The following NRXN3 variants were observed in gnomAD, a reference collection of about 807,000 sequenced individuals.
The protein encoded by NRXN3 is neurexin 3, also known as neurexin III.
Under a neutral mutation model 137.6 loss-of-function variants are expected in NRXN3, and 32 were observed. That is an observed-to-expected ratio of 0.23 (90% CI 0.18 to 0.31). NRXN3 has a LOEUF of 0.31. NRXN3 is among the 10% of genes least tolerant of loss of function. NRXN3 has a pLI of 1.00. For synonymous variants in NRXN3, 798 were observed against 784.5 expected (o/e 1.02, Z -0.29); for missense variants, 1,574 against 2,062.5 (o/e 0.76, Z 4.59).
chr14:79,132,558 T>A (rs1427641924), intron 15 of NRXN3, among the ~76,000 whole-genome samples: 1 of 152,268 alleles, frequency 6.6e-6, no homozygotes, highest in Admixed American at 6.5e-5. Context: ...CTAGAAAATT[T>A]AAAATTATAT....
intron 6 of NRXN3, among the ~76,000 whole-genome samples, chr14:78,694,390 G>A (rs547906791): frequency 1.1e-4 from 16 of 151,902 alleles, no homozygotes; most frequent in South Asian, 2.1e-4. Flanking sequence ...TAGGCTCCAC[G>A]TTTCCTAGCA....
At chr14:78,370,574 C>T (rs1464540295) in intron 4 of NRXN3, among the ~76,000 whole-genome samples, 1 of 152,140 alleles carries the variant, frequency 6.6e-6, no homozygotes, top group Non-Finnish European at 1.5e-5. Context: ...ATCATAATGC[C>T]TACTAAAAAG....
intron 15 of NRXN3, among the ~76,000 whole-genome samples, chr14:79,465,289 G>A (rs2096406417): frequency 6.6e-6 from 1 of 152,140 alleles, no homozygotes; most frequent in African/African-American, 2.4e-5. Flanking sequence ...TGGATGGTAG[G>A]AAGTAAACAT....
At chr14:78,918,161 C>G (rs141506241) in intron 10 of NRXN3, among the ~76,000 whole-genome samples, 2,228 of 150,708 alleles carry the variant, frequency 0.015, 24 homozygotes, top group Non-Finnish European at 0.023. Context: ...GGCGCATGCC[C>G]GTAATCCCAG....
intron 6 of NRXN3, among the ~76,000 whole-genome samples, chr14:78,699,695 A>G (rs546122930): frequency 6.6e-6 from 1 of 152,248 alleles, no homozygotes; most frequent in South Asian, 2.1e-4. Context: ...ATCAGGTACC[A>G]CCTATTCACC....
At chr14:78,441,575 ATAT>A (rs199891538) in intron 4 of NRXN3, among the ~76,000 whole-genome samples, 3 of 144,086 alleles carry the variant, frequency 2.1e-5, no homozygotes, top group African/African-American at 8.4e-5. Flanking sequence ...CACACCATTC[ATAT>A]TATTTTTTTT....
At chr14:78,198,831 A>T (rs969242646) in intron 1 of NRXN3, among the ~76,000 whole-genome samples, 1 of 152,224 alleles carries the variant, frequency 6.6e-6, no homozygotes, top group East Asian at 1.9e-4. Flanking sequence ...TCCAGAGAGC[A>T]TTCAGTCAAA....
rs571959044 is a variant in NRXN3 at position 79,155,162 on chromosome 14, G to A, written c.3262+167021G>A. Among the ~76,000 whole-genome samples, 13 of 152,058 alleles carry A rather than the reference G, an allele frequency of 8.5e-5. No individual in the cohort carries two copies. The South Asian group carries it at 2.7e-3, about 32-fold the overall frequency. ...TGACCCTTCCTTCATCAATGGTGGAGCATCCTCCTGAAGCTGGAGAAGAGA... is the reference window on the plus strand; with the variant it reads ...TGACCCTTCCTTCATCAATGGTGGAACATCCTCCTGAAGCTGGAGAAGAGA... On this transcript the variant is annotated intron_variant, in intron 15 of 20. Coordinates refer to ENST00000335750, the MANE Select transcript of NRXN3 (RefSeq NM_001330195.2).
chr14:78,443,509 T>A (rs897243811), intron 4 of NRXN3, among the ~76,000 whole-genome samples: 1 of 152,196 alleles, frequency 6.6e-6, no homozygotes, highest in Non-Finnish European at 1.5e-5. Flanking sequence ...TAGTATAGTT[T>A]ATATTTGTAC....
intron 19 of NRXN3, among the ~76,000 whole-genome samples, chr14:79,796,386 T>G (rs1191775975): frequency 2.0e-5 from 3 of 152,284 alleles, no homozygotes; most frequent in Admixed American, 2.0e-4. Context: ...TGTGGTTCAA[T>G]ACTCCTCTTC....
At chr14:79,543,127 T>A (rs1027288406) in intron 16 of NRXN3, among the ~76,000 whole-genome samples, 6 of 152,182 alleles carry the variant, frequency 3.9e-5, no homozygotes, top group Non-Finnish European at 5.9e-5. Context: ...GCGATGTCAG[T>A]CATACAGGCA....
chr14:79,630,213 G>T (rs1448309256), intron 16 of NRXN3, among the ~76,000 whole-genome samples: 1 of 152,112 alleles, frequency 6.6e-6, no homozygotes, highest in Non-Finnish European at 1.5e-5. Context: ...GAATACTGCT[G>T]GTTTCTGCTA....
chr14:79,041,139 G>A (rs2099624370), intron 15 of NRXN3, among the ~76,000 whole-genome samples: 1 of 152,024 alleles, frequency 6.6e-6, no homozygotes, highest in Admixed American at 6.6e-5. Context: ...GTTGACTTTG[G>A]GCTATGTGCT....
At chr14:79,843,291 A>G (rs28787344) in intron 20 of NRXN3, among the ~76,000 whole-genome samples, 7,439 of 152,238 alleles carry the variant, frequency 0.049, 591 homozygotes, top group African/African-American at 0.17. Flanking sequence ...TATATGTGAA[A>G]CAGCACTATA....
chr14:79,551,644 G>C (rs1445429011), intron 16 of NRXN3, among the ~76,000 whole-genome samples: 1 of 152,150 alleles, frequency 6.6e-6, no homozygotes, highest in Non-Finnish European at 1.5e-5. Context: ...TATTCTGACA[G>C]GCGTGGACTC....
At chr14:79,706,208 T>G (rs1286313903) in intron 19 of NRXN3, among the ~76,000 whole-genome samples, 4 of 152,156 alleles carry the variant, frequency 2.6e-5, no homozygotes, top group Non-Finnish European at 5.9e-5. Context: ...TAGCTTCCAG[T>G]CTTGTTGCTC....
intron 10 of NRXN3, among the ~76,000 whole-genome samples, chr14:78,915,742 A>G (rs1366939212): frequency 1.3e-5 from 2 of 152,060 alleles, no homozygotes; most frequent in Admixed American, 6.6e-5. Context: ...TCAGGGAAGA[A>G]ATTCCATGTG....
chr14:78,250,006 G>A, intron 2 of NRXN3: 1 of 456,842 alleles, frequency 2.2e-6, no homozygotes, highest in Non-Finnish European at 4.4e-6. Context: ...CTGGCTCCAG[G>A]CTCACACTGT....
At chr14:78,486,844 G>A (rs1169271119) in intron 4 of NRXN3, among the ~76,000 whole-genome samples, 2 of 152,060 alleles carry the variant, frequency 1.3e-5, no homozygotes, top group African/African-American at 4.8e-5. Context: ...AGTAGGTGGG[G>A]GTATTGATTA....
Sources: allele counts gnomAD v4.1 joint callset (sites outside exome capture counted in the v4.1 genomes callset), GRCh38; gene constraint gnomAD v4.1.1; transcripts MANE v1.5; gene names NCBI Gene and HGNC (gene_info 2026-07-23, HGNC 2026-07-21).